The following DLGAP2 variants were observed in gnomAD, a reference collection of about 807,000 sequenced individuals.
DLGAP2 encodes the protein disks large-associated protein 2.
In DLGAP2, 26 loss-of-function variants were observed where a neutral mutation model predicts 100.3. That is an observed-to-expected ratio of 0.26 (90% CI 0.19 to 0.36). DLGAP2 has a LOEUF of 0.36. Among genes scored for constraint, DLGAP2 ranks in the 10% least tolerant of loss-of-function variants. DLGAP2 has a pLI of 1.00. For synonymous variants in DLGAP2, 886 were observed against 630.1 expected (o/e 1.41, Z -6.08); for missense variants, 1,858 against 1,453.2 (o/e 1.28, Z -4.53).
At chr8:973,153 C>A (rs1339970915) in intron 2 of DLGAP2, among the ~76,000 whole-genome samples, 2 of 152,314 alleles carry the variant, frequency 1.3e-5, no homozygotes, top group Admixed American at 6.5e-5. Flanking sequence ...GATGGGGTGG[C>A]GGCAGGGCAG....
rs1029669854 is a variant in DLGAP2, at chr8:970,120, C to T, written c.73+62154C>T. Among the ~76,000 whole-genome samples the T allele has an allele frequency of 5.3e-5, 8 of 151,942 alleles. No homozygotes were observed. The South Asian group carries it at 6.3e-4, about 12-fold the overall frequency. ...CATTAACCTAAAGAAAAATGTCCAC[C>T]GGCATTCATTTTGGAGCTGCAGTCA... On this transcript the variant is annotated intron_variant, in intron 2 of 14. Coordinates refer to ENST00000637795, the MANE Select transcript of DLGAP2 (RefSeq NM_001346810.2).
At chr8:1,300,045 C>G (rs895621914) in intron 3 of DLGAP2, 4 of 152,178 alleles carry the variant, frequency 2.6e-5, no homozygotes, top group Non-Finnish European at 5.9e-5. Context: ...AGACCCTGAT[C>G]CATTCAGATC....
intron 2 of DLGAP2, among the ~76,000 whole-genome samples, chr8:1,163,666 G>C (rs1466676857): frequency 6.6e-6 from 1 of 152,204 alleles, no homozygotes; most frequent in Non-Finnish European, 1.5e-5. Context: ...GAGGGCCGGG[G>C]ATCGAGAAAA....
chr8:1,260,523 C>T (rs1468972655), intron 3 of DLGAP2, among the ~76,000 whole-genome samples: 1 of 152,126 alleles, frequency 6.6e-6, no homozygotes, highest in Non-Finnish European at 1.5e-5. Flanking sequence ...AAATCTGAAT[C>T]CATGATGTTT....
intron 3 of DLGAP2, among the ~76,000 whole-genome samples, chr8:1,366,985 A>AC (rs1459048463): frequency 2.8e-4 from 42 of 151,986 alleles, no homozygotes; most frequent in Non-Finnish European, 4.4e-5. Context: ...GTGACCACAG[A>AC]CCCCGGTAAA....
intron 3 of DLGAP2, among the ~76,000 whole-genome samples, chr8:1,482,785 G>A (rs892371471): frequency 4.6e-5 from 7 of 152,372 alleles, no homozygotes; most frequent in Non-Finnish European, 8.8e-5. Flanking sequence ...GCAGGCAGCC[G>A]TGCGTGGATG....
At chr8:1,328,988 T>C (rs1176541483) in intron 3 of DLGAP2, among the ~76,000 whole-genome samples, 3 of 152,256 alleles carry the variant, frequency 2.0e-5, no homozygotes, top group Non-Finnish European at 2.9e-5. Context: ...GAAGGCACTT[T>C]TCAGCCTTAG....
intron 1 of DLGAP2, among the ~76,000 whole-genome samples, chr8:883,572 C>T (rs1015771240): frequency 2.6e-5 from 4 of 151,010 alleles, no homozygotes; most frequent in Non-Finnish European, 4.4e-5. Flanking sequence ...TACACAGGTA[C>T]GCGTGTGCCG....
At chr8:990,222 T>A (rs949207164) in intron 2 of DLGAP2, among the ~76,000 whole-genome samples, 7 of 152,004 alleles carry the variant, frequency 4.6e-5, no homozygotes, top group Admixed American at 1.3e-4. Flanking sequence ...TCACCTGTTA[T>A]ATTTGTGTCG....
chr8:1,466,521 A>G (rs1038491077), intron 3 of DLGAP2, among the ~76,000 whole-genome samples: 6 of 37,748 alleles, frequency 1.6e-4, no homozygotes, highest in African/African-American at 4.4e-4. Context: ...AGACATCTCA[A>G]TTTGTGTGTG....
At chr8:1,304,071 T>A (rs73670722) in intron 3 of DLGAP2, among the ~76,000 whole-genome samples, 4 of 152,274 alleles carry the variant, frequency 2.6e-5, no homozygotes, top group South Asian at 2.1e-4. Context: ...AGCAGCAGAA[T>A]TGGGGGAGAG....
At chr8:880,946 T>A (rs1011968321) in intron 1 of DLGAP2, among the ~76,000 whole-genome samples, 1 of 152,248 alleles carries the variant, frequency 6.6e-6, no homozygotes, top group African/African-American at 2.4e-5. Context: ...TCACTTAATA[T>A]CTAATTGCAC....
At chr8:902,981 GGGGC>G (rs1353712013) in intron 1 of DLGAP2, among the ~76,000 whole-genome samples, 1 of 56,684 alleles carries the variant, frequency 1.8e-5, no homozygotes, top group Admixed American at 1.7e-4. Context: ...CGGGTGGGTG[GGGGC>G]GGGGGGGCGG....
chr8:1,273,072 G>C (rs7845845), intron 3 of DLGAP2, among the ~76,000 whole-genome samples: 125,608 of 152,078 alleles, frequency 0.83, 51,956 homozygotes, highest in Middle Eastern at 0.89. Flanking sequence ...CCTGGTCCGG[G>C]TCCTGAATTT....
At chr8:1,628,988 C>T (rs1437609768) in intron 7 of DLGAP2, among the ~76,000 whole-genome samples, 7 of 152,232 alleles carry the variant, frequency 4.6e-5, no homozygotes, top group African/African-American at 1.2e-4. Context: ...AAAATGATAG[C>T]CCTTATTATT....
intron 14 of DLGAP2, among the ~76,000 whole-genome samples, chr8:1,700,495 G>C (rs1186413220): frequency 6.6e-6 from 1 of 152,200 alleles, no homozygotes; most frequent in Admixed American, 6.5e-5. Context: ...GTGGGAACAA[G>C]TGCAAGCATT....
rs569248869 is a variant in DLGAP2 at position 1,617,762 on chromosome 8, A to T, written c.1443-8978A>T. Among the ~76,000 whole-genome samples the T allele has an allele frequency of 9.8e-5, 15 of 152,338 alleles. No individual in the cohort carries two copies. In the South Asian group the frequency reaches 2.3e-3, roughly 23 times the overall value. On this transcript the variant is annotated intron_variant, in intron 6 of 14. Transcript: ENST00000637795. ...TAATGGACAGCGCACCTCTAGAGCA[A>T]CCACTCAAATATTAACGCTATGCAT...
chr8:1,431,027 AG>A (rs1445496988), intron 3 of DLGAP2, among the ~76,000 whole-genome samples: 1 of 152,220 alleles, frequency 6.6e-6, no homozygotes, highest in Non-Finnish European at 1.5e-5. Flanking sequence ...TCTTACGGAA[AG>A]GAACAAAGCA....
At position 1,602,075 on chromosome 8, in the gene DLGAP2, G is replaced by C. The variant is rs143266819; in HGVS notation, c.1443-24665G>C. Among the ~76,000 whole-genome samples the C allele has an allele frequency of 2.0e-4, 31 of 151,972 alleles. 1 individual carries two copies. The highest frequency in any genetic ancestry group is 7.5e-4 in the African/African-American group (31 of 41,484). On this transcript the variant is annotated intron_variant, in intron 6 of 14. Coordinates refer to ENST00000637795, the MANE Select transcript of DLGAP2 (RefSeq NM_001346810.2). ...TGCATCCCAGACTTGGGCCATGCAA[G>C]CTGCATTGAAGCACTCAGCCCACAC... is the stretch of plus-strand genomic sequence containing the variant.
Sources: gnomAD v4.1 joint callset for allele counts (sites outside exome capture counted in the v4.1 genomes callset) on GRCh38, gnomAD v4.1.1 for gene constraint, MANE v1.5 for transcripts, NCBI Gene and HGNC (gene_info 2026-07-23, HGNC 2026-07-21) for gene names.